The following HNRNPH1 variants were observed in gnomAD, a reference collection of about 807,000 sequenced individuals.
The protein encoded by HNRNPH1 is heterogeneous nuclear ribonucleoprotein H1.
Under a neutral mutation model 58.6 loss-of-function variants are expected in HNRNPH1, and 4 were observed. That is an observed-to-expected ratio of 0.07 (90% CI 0.03 to 0.16). HNRNPH1 has a LOEUF of 0.16. Among genes scored for constraint, HNRNPH1 ranks in the 10% least tolerant of loss-of-function variants. The probability of loss-of-function intolerance (pLI) is 1.00; values close to 1 mark genes in which losing one functional copy is unlikely to be tolerated. For synonymous variants in HNRNPH1, 192 were observed against 189.2 expected, an observed-to-expected ratio of 1.01 and a Z score of -0.12; for missense variants, 271 against 564.2, an observed-to-expected ratio of 0.48 and a Z score of 5.26.
chr5:179,616,244 CCT>C, intron 10 of HNRNPH1, 26 bp from the exon 12 acceptor site: 1 of 1,577,782 alleles, frequency 6.3e-7, no homozygotes, highest in South Asian at 1.1e-5. Flanking sequence ...AACATTAGAA[CCT>C]TTTTTCTTAT....
chr5:179,616,764 TA>T, intron 10 of HNRNPH1, 104 bp downstream of exon 11: 1 of 1,001,504 alleles, frequency 1.0e-6, no homozygotes. Context: ...CTGCTTTGCC[TA>T]AGTTTCTTAT....
chr5:179,619,197 A>T, intron 4 of HNRNPH1, 72 bp downstream of exon 5: 1 of 1,282,958 alleles, frequency 7.8e-7, no homozygotes, highest in Non-Finnish European at 1.1e-6. Context: ...TTCTTCTTTT[A>T]AGCAGAGAGA....
exon 13 of HNRNPH1, chr5:179,614,347 T>C (rs1272764122): frequency 6.9e-6 from 1 of 143,934 alleles, no homozygotes; most frequent in Admixed American, 6.9e-5. Flanking sequence ...CCCATTAACT[T>C]AAAAAAAAAA....
exon 13 of HNRNPH1, chr5:179,614,622 TTA>T: frequency 2.7e-6 from 1 of 376,972 alleles, no homozygotes; most frequent in Non-Finnish European, 4.9e-6. Flanking sequence ...GAACTTAAGT[TTA>T]ACAGTTATAG....
intron 2 of HNRNPH1, among the ~76,000 whole-genome samples, chr5:179,630,078 C>T (rs990528944): frequency 2.1e-5 from 3 of 145,322 alleles, no homozygotes; most frequent in African/African-American, 5.1e-5. Flanking sequence ...TGCAGATGAC[C>T]GGGCTCATGC....
chr5:179,632,670 AGGC>A (rs1378395285), intron 2 of HNRNPH1, among the ~76,000 whole-genome samples: 6 of 152,004 alleles, frequency 3.9e-5, no homozygotes, highest in Admixed American at 3.9e-4. Flanking sequence ...CGGACAACGC[AGGC>A]GGCCGGTTTT....
exon 2 of HNRNPH1, chr5:179,621,321 A>G (rs566455895): frequency 1.5e-5 from 24 of 1,614,098 alleles, no homozygotes; most frequent in Admixed American, 8.3e-5. Context: ...CAAGTTCAAC[A>G]AAAGCCTCGC....
intron 2 of HNRNPH1, among the ~76,000 whole-genome samples, chr5:179,630,936 C>CA (rs969899069): frequency 7.1e-4 from 99 of 139,990 alleles, no homozygotes; most frequent in African/African-American, 1.0e-3. Flanking sequence ...AAAAACAGCT[C>CA]AAAAAAAAAA....
rs184212276 is a variant in HNRNPH1, at chr5:179,633,159, T to C, written c.-32+906A>G. ...GGCGTGAGCCACCATGCCCAGTTAA[T>C]TTTTGTATTTTCAGTAGAGATGGGG... is the stretch of plus-strand genomic sequence containing the variant. On this transcript the variant is annotated intron_variant, in intron 2 of 4. Transcript: ENST00000521116. Among the ~76,000 whole-genome samples, 369 of 151,240 alleles carry C rather than the reference T, an allele frequency of 2.4e-3. 1 individual carries two copies. Among genetic ancestry groups the C allele is most frequent in the Non-Finnish European group, 3.9e-3 (261 of 67,688 alleles).
At chr5:179,624,521 T>G (rs1394845044) in exon 1 of HNRNPH1, 2 of 398,610 alleles carry the variant, frequency 5.0e-6, no homozygotes, top group Non-Finnish European at 8.8e-6. Context: ...GCCTCTGCGC[T>G]CGGTAGGTTA....
At chr5:179,625,042 C>T (rs138747602), upstream of HNRNPH1, among the ~76,000 whole-genome samples, 4 of 152,054 alleles carry the variant, frequency 2.6e-5, no homozygotes, top group African/African-American at 9.7e-5. Flanking sequence ...GCAGGGGAGC[C>T]GTAAACCCTG....
chr5:179,621,461 T>C (rs1246220452), intron 1 of HNRNPH1, 64 bp from the exon 3 acceptor site: 2 of 1,403,552 alleles, frequency 1.4e-6, no homozygotes, highest in South Asian at 1.2e-5. Context: ...GTGACACAGA[T>C]GAAATGTCTA....
Position 179,616,025 on chromosome 5 carries a change from C to A in HNRNPH1, c.1300+101G>T, listed in dbSNP as rs541928586. The A allele has an allele frequency of 1.3e-4, 133 of 1,056,592 alleles. No homozygotes were observed. The East Asian group carries it at 3.1e-3, about 25-fold the overall frequency. The allele number at this position is 1,056,592 out of a possible 1,614,324, so 65.5% of individuals were successfully genotyped here. A position where few individuals can be genotyped will look rare whatever the true frequency, so the allele number is the denominator to read the frequency against. On this transcript the variant is annotated intron_variant, in intron 11 of 12. Coordinates refer to ENST00000356731, the Ensembl canonical transcript of HNRNPH1. ...ACTAAAGGCACCTGCCTGCGACTTA[C>A]TCTAAGTACAGTAACAGGCTTTACC...
At chr5:179,624,920 A>G (rs1204457512), upstream of HNRNPH1, among the ~76,000 whole-genome samples, 2 of 152,214 alleles carry the variant, frequency 1.3e-5, no homozygotes, top group Non-Finnish European at 2.9e-5. Flanking sequence ...AAAAGTAGAG[A>G]GGACATCAAA....
chr5:179,614,808 G>GTT, exon 13 of HNRNPH1: 2 of 678,836 alleles, frequency 2.9e-6, no homozygotes, highest in Non-Finnish European at 4.6e-6. Flanking sequence ...AAAAAAAAAG[G>GTT]TTGACCAAGA....
chr5:179,617,180 G>C (rs1254372332), intron 8 of HNRNPH1, 70 bp from the exon 10 acceptor site: 2 of 1,462,420 alleles, frequency 1.4e-6, no homozygotes, highest in East Asian at 2.3e-5. Flanking sequence ...CTTTTATAAA[G>C]TTTTTAAACA....
At chr5:179,632,406 C>CTT (rs1430728633) in intron 2 of HNRNPH1, among the ~76,000 whole-genome samples, 1 of 152,256 alleles carries the variant, frequency 6.6e-6, no homozygotes, top group Non-Finnish European at 1.5e-5. Flanking sequence ...ACGGTCCGCC[C>CTT]TTGCGGCTGG....
Position 179,623,173 on chromosome 5 carries a change from C to G in HNRNPH1, c.-40G>C, listed in dbSNP as rs529076871. On this transcript the variant is annotated 5_prime_UTR_variant, in exon 1 of 13. Coordinates refer to ENST00000356731, the Ensembl canonical transcript of HNRNPH1. ...TCCGGCGTCGAAACAAACTGCAAAG[C>G]GGGGAGGACCAGAACTGAGAGCGCC... 3.4e-6 allele frequency: 5 copies of G among 1,465,540 alleles called. No individual in the cohort carries two copies. In the South Asian group the frequency reaches 5.6e-5, roughly 17 times the overall value. 90.8% of individuals were successfully genotyped at this position (1,465,540 alleles called of 1,614,324 possible).
chr5:179,624,760 TACACAAATTA>T (rs1774198572), upstream of HNRNPH1: 1 of 395,998 alleles, frequency 2.5e-6, no homozygotes, highest in East Asian at 3.6e-5. Flanking sequence ...ACACAGACAA[TACACAAATTA>T]ACAATAAGGT....
Sources: gnomAD v4.1 joint callset for allele counts (sites outside exome capture counted in the v4.1 genomes callset) on GRCh38, gnomAD v4.1.1 for gene constraint, MANE v1.5 for transcripts, NCBI Gene and HGNC (gene_info 2026-07-23, HGNC 2026-07-21) for gene names.